CRADD: variants seen among roughly 807,000 people sequenced by gnomAD.
CRADD encodes the protein CARD and death domain containing adaptor protein, also known as death domain-containing protein CRADD.
CRADD carries 9 observed loss-of-function variants against 15.5 expected under a neutral mutation model. The observed-to-expected ratio is 0.58, with a 90% CI of 0.35 to 1.01. CRADD has a LOEUF of 1.01. Among genes scored for constraint, CRADD ranks in the 50% least tolerant of loss-of-function variants. The probability of loss-of-function intolerance (pLI) is 0.02; values close to 1 mark genes in which losing one functional copy is unlikely to be tolerated. For synonymous variants in CRADD, 118 were observed against 107.6 expected, an observed-to-expected ratio of 1.10 and a Z score of -0.60; for missense variants, 227 against 250.3, an observed-to-expected ratio of 0.91 and a Z score of 0.63.
intron 2 of CRADD, among the ~76,000 whole-genome samples, chr12:93,893,373 G>A (rs1252094196): frequency 2.0e-5 from 3 of 151,544 alleles, no homozygotes; most frequent in Non-Finnish European, 2.9e-5. Context: ...TTCATTGGAC[G>A]GACACAATTC....
chr12:93,776,019 A>G (rs2136965962), intron 2 of CRADD, among the ~76,000 whole-genome samples: 1 of 152,336 alleles, frequency 6.6e-6, no homozygotes, highest in Middle Eastern at 3.4e-3. Flanking sequence ...TCATCTTTAA[A>G]AAAGTATCTT....
At chr12:93,858,997 C>T (rs1958297587) in intron 2 of CRADD, among the ~76,000 whole-genome samples, 1 of 152,218 alleles carries the variant, frequency 6.6e-6, no homozygotes, top group African/African-American at 2.4e-5. Context: ...GAGAGCTTCT[C>T]CTGAGTCTCT....
At chr12:93,692,903 A>G (rs1377872277) in intron 2 of CRADD, among the ~76,000 whole-genome samples, 1 of 152,216 alleles carries the variant, frequency 6.6e-6, no homozygotes, top group African/African-American at 2.4e-5. Flanking sequence ...AACAACTTAT[A>G]AAGTATATAC....
intron 2 of CRADD, chr12:93,790,715 G>A (rs1484380181): frequency 6.6e-6 from 1 of 151,996 alleles, no homozygotes; most frequent in Non-Finnish European, 1.5e-5. Flanking sequence ...CTAGAAGAAT[G>A]GAGGATTATA....
At chr12:93,863,272 C>T (rs932369735) in intron 2 of CRADD, among the ~76,000 whole-genome samples, 27 of 152,210 alleles carry the variant, frequency 1.8e-4, no homozygotes, top group African/African-American at 6.3e-4. Context: ...ACAGCAGCCC[C>T]GAGCCAGGAA....
At chr12:93,886,162 C>CATTTTT (rs1555231623) in intron 2 of CRADD, among the ~76,000 whole-genome samples, 4 of 123,948 alleles carry the variant, frequency 3.2e-5, no homozygotes, top group African/African-American at 9.1e-5. Flanking sequence ...GCTGCTGATG[C>CATTTTT]TTTTTTTTTT....
chr12:93,751,577 A>G (rs375983981), intron 2 of CRADD, among the ~76,000 whole-genome samples: 3 of 152,320 alleles, frequency 2.0e-5, no homozygotes, highest in Admixed American at 2.0e-4. Flanking sequence ...TAAATCCTTT[A>G]TCTTGGGCCA....
chr12:93,855,783 C>A (rs1163118836), intron 2 of CRADD, among the ~76,000 whole-genome samples: 1 of 152,148 alleles, frequency 6.6e-6, no homozygotes, highest in Non-Finnish European at 1.5e-5. Flanking sequence ...TTTGTTAAAC[C>A]ATTGAGTTGA....
chr12:93,699,785 C>T (rs1396696135), intron 2 of CRADD, among the ~76,000 whole-genome samples: 1 of 152,160 alleles, frequency 6.6e-6, no homozygotes, highest in Non-Finnish European at 1.5e-5. Context: ...ATTTTAAGTG[C>T]TCGTAGAGTG....
intron 2 of CRADD, among the ~76,000 whole-genome samples, chr12:93,846,300 G>A (rs1958115457): frequency 6.6e-6 from 1 of 152,150 alleles, no homozygotes; most frequent in Admixed American, 6.5e-5. Flanking sequence ...ATACCCAGAA[G>A]TGGGATTGCT....
chr12:93,705,159 C>T (rs1955919579), intron 2 of CRADD, among the ~76,000 whole-genome samples: 1 of 152,214 alleles, frequency 6.6e-6, no homozygotes, highest in South Asian at 2.1e-4. Flanking sequence ...CTGGTTTATC[C>T]TGCATCCCCA....
intron 2 of CRADD, among the ~76,000 whole-genome samples, chr12:93,862,189 C>T (rs1376784260): frequency 1.3e-5 from 2 of 152,166 alleles, no homozygotes; most frequent in Non-Finnish European, 2.9e-5. Flanking sequence ...AGGAACAAAG[C>T]TAGCCATCAG....
intron 2 of CRADD, among the ~76,000 whole-genome samples, chr12:93,891,211 G>A (rs1009427938): frequency 2.0e-5 from 3 of 151,982 alleles, no homozygotes; most frequent in Non-Finnish European, 4.4e-5. Context: ...TTTCAATGGC[G>A]TGTGTGGTGG....
chr12:93,835,719 A>G (rs1370970731), intron 2 of CRADD, among the ~76,000 whole-genome samples: 1 of 152,108 alleles, frequency 6.6e-6, no homozygotes, highest in African/African-American at 2.4e-5. Context: ...TTATTAGTTT[A>G]TTCCTTGGAG....
intron 2 of CRADD, among the ~76,000 whole-genome samples, chr12:93,866,136 A>G (rs910194794): frequency 1.3e-5 from 2 of 151,966 alleles, no homozygotes; most frequent in East Asian, 3.9e-4. Flanking sequence ...TGTTTTATTC[A>G]TTTTGCTGGA....
Position 93,779,846 on chromosome 12 carries a change from C to T in CRADD, c.299-70124C>T, listed in dbSNP as rs183462559. ...TCAGGTGATCTGCCCGCCTTAGTCT[C>T]CCAAAGTGCTGGGATTACAGGCATG... On this transcript the variant is annotated intron_variant, in intron 2 of 2. Coordinates refer to ENST00000332896, the MANE Select transcript of CRADD (RefSeq NM_003805.5). 2.1e-3 allele frequency among the ~76,000 whole-genome samples: 325 copies of T among 152,270 alleles called. 4 individuals carry two copies. Among genetic ancestry groups the T allele is most frequent in the Non-Finnish European group, 3.5e-3 (238 of 68,032 alleles).
At chr12:93,707,487 G>A (rs2136851651) in intron 2 of CRADD, among the ~76,000 whole-genome samples, 1 of 152,276 alleles carries the variant, frequency 6.6e-6, no homozygotes, top group Non-Finnish European at 1.5e-5. Flanking sequence ...TGGGCAGGGG[G>A]CTTAGCTGGG....
chr12:93,795,507 G>A (rs955985855), intron 2 of CRADD, among the ~76,000 whole-genome samples: 12 of 152,104 alleles, frequency 7.9e-5, no homozygotes, highest in Admixed American at 7.2e-4. Context: ...CTGCTCGCAC[G>A]TCCTCTTCCC....
chr12:93,678,214 A>G (rs898019327), intron 1 of CRADD, among the ~76,000 whole-genome samples: 11 of 152,126 alleles, frequency 7.2e-5, no homozygotes, highest in Admixed American at 7.2e-4. Flanking sequence ...CGTGTAGAGG[A>G]CTTTTAGCGA....
Sources: gnomAD v4.1 joint callset for allele counts (sites outside exome capture counted in the v4.1 genomes callset) on GRCh38, gnomAD v4.1.1 for gene constraint, MANE v1.5 for transcripts, NCBI Gene and HGNC (gene_info 2026-07-23, HGNC 2026-07-21) for gene names.